Variants in IHO1 observed in about 807,000 individuals in gnomAD.
IHO1 encodes interactor of HORMAD1 1.
Under a neutral mutation model 31.0 loss-of-function variants are expected in IHO1, and 13 were observed. The ratio of observed to expected loss-of-function variants is 0.42; its 90% confidence interval spans 0.27 to 0.67. IHO1 has a LOEUF of 0.67. Among genes scored for constraint, IHO1 ranks in the 30% least tolerant of loss-of-function variants. The pLI, the probability that IHO1 is intolerant of heterozygous loss-of-function variation, is 0.24. For synonymous variants in IHO1, 221 were observed against 248.4 expected, an observed-to-expected ratio of 0.89 and a Z score of 1.04; for missense variants, 599 against 687.5, an observed-to-expected ratio of 0.87 and a Z score of 1.44.
At chr3:49,255,872 A>ACTT (rs2046816000) in intron 7 of IHO1, among the ~76,000 whole-genome samples, 1 of 151,812 alleles carries the variant, frequency 6.6e-6, no homozygotes, top group Non-Finnish European at 1.5e-5. Context: ...TAAAGTTGCA[A>ACTT]ATTTTCAGCT....
Position 49,201,740 on chromosome 3 carries a change from A to AC in IHO1, c.-16+2169dup, listed in dbSNP as rs530770519. On this transcript the variant is annotated intron_variant, in intron 1 of 7. Coordinates refer to ENST00000452691, the MANE Select transcript of IHO1 (RefSeq NM_001135197.2). The stretch of plus-strand genomic sequence containing the variant: ...GAGACCTGCCTGAGCAACATGGTAA[A>AC]CCTCTGTCTCTACCAAAAATACAAA... Among the ~76,000 whole-genome samples the AC allele has an allele frequency of 1.2e-4, 18 of 152,130 alleles. No individual in the cohort carries two copies. In the East Asian group the frequency reaches 2.5e-3, roughly 21 times the overall value.
In IHO1 at chr3:49,212,113, G is replaced by A. The variant is rs575715922; in HGVS notation, c.56+277G>A. 6.8e-5 allele frequency among the ~76,000 whole-genome samples: 10 copies of A among 147,506 alleles called. No individual in the cohort carries two copies. The South Asian group carries it at 2.1e-3, about 31-fold the overall frequency. On this transcript the variant is annotated intron_variant, in intron 2 of 7. Transcript: ENST00000452691. ...TGGGAGGTGGAGCTTGCAGTGAGCC[G>A]AGATTGCGCCACTGCACTCCAGCCT...
At chr3:49,255,262 A>G in intron 6 of IHO1, 128 bp from the exon 7 acceptor site, 1 of 581,628 alleles carries the variant, frequency 1.7e-6, no homozygotes, top group Non-Finnish European at 3.0e-6. Context: ...AGGGAAGGAG[A>G]GCCTGGAGGA....
intron 2 of IHO1, among the ~76,000 whole-genome samples, chr3:49,217,407 A>C (rs1412697153): frequency 6.7e-6 from 1 of 149,642 alleles, no homozygotes; most frequent in Non-Finnish European, 1.5e-5. Flanking sequence ...CAAACACCAC[A>C]TGTTCTCACT....
At chr3:49,215,319 G>A (rs1471827365) in intron 2 of IHO1, among the ~76,000 whole-genome samples, 1 of 152,100 alleles carries the variant, frequency 6.6e-6, no homozygotes, top group Non-Finnish European at 1.5e-5. Context: ...CCAAAATGCT[G>A]GCATTACAGG....
intron 6 of IHO1, among the ~76,000 whole-genome samples, chr3:49,253,487 C>G (rs1033742360): frequency 6.6e-6 from 1 of 152,008 alleles, no homozygotes; most frequent in Non-Finnish European, 1.5e-5. Flanking sequence ...GCTCATTCAC[C>G]CCTCTGTGTA....
At position 49,244,416 on chromosome 3, in the gene IHO1, C is replaced by A. The variant is rs2046670454; in HGVS notation, c.408C>A (p.Tyr136Ter). ...CCTCCTATTCTAGTGAGACTCTATA[C>A]AACTTTGTTTCTAATGTTAGAGAAA... ...AKDKCDSETL[Y>*]NFVSNVRESI... Residue 136 changes from tyrosine (Y) to a stop codon, truncating the protein, a stop_gained, in exon 5 of 8, where the codon TAC (tyrosine) becomes TAA (stop). Transcript: ENST00000452691. LOFTEE classifies it high-confidence loss of function. 2 of 1,556,586 alleles carry A rather than the reference C, an allele frequency of 1.3e-6. No individual in the cohort carries two copies. The highest frequency in any genetic ancestry group is 1.2e-5 in the South Asian group (1 of 86,264).
chr3:49,226,267 C>T (rs1017298708), intron 2 of IHO1, among the ~76,000 whole-genome samples: 6 of 152,096 alleles, frequency 3.9e-5, no homozygotes, highest in Admixed American at 1.3e-4. Context: ...AATAATGCCT[C>T]CAGATTTTGT....
At chr3:49,242,236 G>A (rs139946791) in intron 4 of IHO1, among the ~76,000 whole-genome samples, 2,158 of 152,068 alleles carry the variant, frequency 0.014, 29 homozygotes, top group Non-Finnish European at 0.019. Context: ...AGCCACCGCA[G>A]TCTTCCCACC....
intron 6 of IHO1, among the ~76,000 whole-genome samples, chr3:49,247,854 G>A (rs1465389141): frequency 6.6e-6 from 1 of 151,156 alleles, no homozygotes; most frequent in South Asian, 2.1e-4. Context: ...GGTGGGCGTG[G>A]TGGTTCATGT....
At chr3:49,192,123 A>G in the IHO1 span, among the ~76,000 whole-genome samples, 1 of 152,350 alleles carries the variant, frequency 6.6e-6, no homozygotes, top group Non-Finnish European at 1.5e-5. Flanking sequence ...AAACCTATGC[A>G]TCCATACTGC....
chr3:49,242,220 A>C (rs1257707757), intron 4 of IHO1, among the ~76,000 whole-genome samples: 2 of 152,110 alleles, frequency 1.3e-5, no homozygotes, highest in African/African-American at 4.8e-5. Context: ...TGGCATTACA[A>C]GCATGAGCCA....
chr3:49,200,596 C>T (rs1307038770), intron 1 of IHO1: 1 of 984,396 alleles, frequency 1.0e-6, no homozygotes, highest in Admixed American at 6.2e-5. Context: ...GGTCCTCTCC[C>T]CCTCACGTGT....
intron 4 of IHO1, among the ~76,000 whole-genome samples, 167 bp downstream of exon 4, chr3:49,241,556 C>G (rs1276024586): frequency 6.6e-6 from 1 of 151,992 alleles, no homozygotes; most frequent in Non-Finnish European, 1.5e-5. Flanking sequence ...CACACACACA[C>G]ACACAGACAC....
intron 1 of IHO1, chr3:49,200,579 T>C: frequency 1.0e-6 from 1 of 984,786 alleles, no homozygotes; most frequent in South Asian, 4.7e-5. Flanking sequence ...TCCATGCCAA[T>C]CGGGGCGGTC....
chr3:49,257,051 A>G lies in IHO1; in HGVS notation c.1554A>G (p.Gly518=). ...PRKPVCPILG[G]TVMPNKTVRA... is the part of the protein sequence containing the mutation. Reference sequence around the variant, plus strand: ...AACCAGTCTGCCCTATTCTGGGAGGAACAGTCATGCCCAATAAGACAGTAA... The same window carrying G: ...AACCAGTCTGCCCTATTCTGGGAGGGACAGTCATGCCCAATAAGACAGTAA... Residue 518 remains glycine (G), a synonymous_variant, in exon 8 of 8, where the codon GGA becomes GGG. Transcript: ENST00000452691. 2 of 1,614,170 alleles carry G rather than the reference A, an allele frequency of 1.2e-6. No individual in the cohort carries two copies. Among genetic ancestry groups the G allele is most frequent in the Non-Finnish European group, 1.7e-6 (2 of 1,180,032 alleles).
intron 4 of IHO1, among the ~76,000 whole-genome samples, chr3:49,243,221 T>C (rs2046652459): frequency 2.0e-5 from 3 of 152,004 alleles, no homozygotes; most frequent in African/African-American, 7.2e-5. Context: ...TGGCTCACTG[T>C]AACCTCTGCC....
intron 3 of IHO1, among the ~76,000 whole-genome samples, chr3:49,240,119 C>A (rs1260493509): frequency 1.3e-5 from 2 of 152,128 alleles, no homozygotes; most frequent in Admixed American, 1.3e-4. Context: ...GATCTTGGCT[C>A]ACTGCAACCT....
In IHO1 at chr3:49,255,987, C is replaced by T. The variant is rs565152217; in HGVS notation, c.637-147C>T. 1.8e-4 allele frequency: 127 copies of T among 689,970 alleles called. No individual in the cohort carries two copies. In the African/African-American group the frequency reaches 1.9e-3, roughly 10 times the overall value. 42.7% of individuals were successfully genotyped at this position (689,970 alleles called of 1,614,324 possible). On this transcript the variant is annotated intron_variant, in intron 7 of 7. Transcript: ENST00000452691. ...ATGTGGGCCCCAGGGGTTCAACTCC[C>T]GAGTGTAATTGTGCTTACCCTGAGA...
Sources: allele counts gnomAD v4.1 joint callset (sites outside exome capture counted in the v4.1 genomes callset), GRCh38; gene constraint gnomAD v4.1.1; transcripts MANE v1.5; gene names NCBI Gene and HGNC (gene_info 2026-07-23, HGNC 2026-07-21).